RARS1: variants seen among roughly 807,000 people sequenced by gnomAD.
The protein encoded by RARS1 is arginine--tRNA ligase, cytoplasmic.
RARS1 carries 75 observed loss-of-function variants against 78.7 expected under a neutral mutation model. The ratio of observed to expected loss-of-function variants is 0.95; its 90% confidence interval spans 0.79 to 1.15. The LOEUF is 1.15. RARS1 is among the 50% of genes most tolerant of loss of function. The pLI is 0.00. For synonymous variants in RARS1, 273 were observed against 268.2 expected (o/e 1.02, Z -0.18); for missense variants, 787 against 787.5 (o/e 1.00, Z 0.01).
chr5:168,499,186 C>G (rs1582432311), intron 7 of RARS1, among the ~76,000 whole-genome samples: 1 of 151,764 alleles, frequency 6.6e-6, no homozygotes, highest in Non-Finnish European at 1.5e-5. Context: ...GGGCACACTC[C>G]TGTAGTTCCA....
At chr5:168,507,076 A>G (rs1039388907) in intron 11 of RARS1, among the ~76,000 whole-genome samples, 1 of 152,224 alleles carries the variant, frequency 6.6e-6, no homozygotes, top group African/African-American at 2.4e-5. Flanking sequence ...GATTATATAT[A>G]AGGGGTTTCC....
chr5:168,488,651 G>C lies in RARS1; in HGVS notation c.95G>C (p.Cys32Ser). 5.6e-6 allele frequency: 9 copies of C among 1,612,346 alleles called. No individual in the cohort carries two copies. Among genetic ancestry groups the C allele is most frequent in the Non-Finnish European group, 7.6e-6 (9 of 1,179,636 alleles). Reference sequence around the variant, plus strand: ...GCTGAAATTGACCGGTTGAAAAACTGTGGCTGTTTAGGAGCTTCTCCAAAT... The same window carrying C: ...GCTGAAATTGACCGGTTGAAAAACTCTGGCTGTTTAGGAGCTTCTCCAAAT... ...LTAEIDRLKN[C>S]GCLGASPNLE... The change falls in exon 2 of 15, where the codon TGT becomes TCT. Residue 32 changes from cysteine (C) to serine (S), a missense_variant. By Grantham distance (112) the Cys-to-Ser change is moderately radical. Coordinates refer to ENST00000231572, the MANE Select transcript of RARS1 (RefSeq NM_002887.4).
In RARS1 at chr5:168,508,772, C is replaced by G. The variant is rs1245008956; in HGVS notation, c.1347-1809C>G. ...AATTTTTTTTTAATTTCATCATCTT[C>G]CTGCTATTCCTTGTACATCTGTTTA... On this transcript the variant is annotated intron_variant, in intron 11 of 14. Coordinates refer to ENST00000231572, the MANE Select transcript of RARS1 (RefSeq NM_002887.4). Among the ~76,000 whole-genome samples the G allele has an allele frequency of 2.0e-5, 3 of 151,518 alleles. No individual in the cohort carries two copies. The East Asian group carries it at 5.8e-4, about 29-fold the overall frequency.
chr5:168,487,466 C>T (rs1390504533), intron 1 of RARS1, among the ~76,000 whole-genome samples: 2 of 152,136 alleles, frequency 1.3e-5, no homozygotes, highest in African/African-American at 4.8e-5. Context: ...TGTCCTGTTA[C>T]GGCTGTATAC....
At chr5:168,503,848 A>C (rs572682027) in intron 9 of RARS1, among the ~76,000 whole-genome samples, 2 of 152,142 alleles carry the variant, frequency 1.3e-5, no homozygotes, top group East Asian at 3.9e-4. Flanking sequence ...AGGCAGGAGG[A>C]CCACTTGAGG....
chr5:168,492,610 A>T (rs1758107343), intron 2 of RARS1, 49 bp from the exon 3 acceptor site: 1 of 1,413,686 alleles, frequency 7.1e-7, no homozygotes, highest in African/African-American at 1.4e-5. Flanking sequence ...ATCTTGTATG[A>T]TGATGGTTTT....
Position 168,488,691 on chromosome 5 carries a change from A to T in RARS1, c.135A>T (p.Gln45His). ...LGASPNLEQL[Q>H]EENLKLKYRL... ...CTTCTCCAAATTTGGAGCAGTTACA[A>T]GAAGAAAATTTAAAATTAAAGTATC... The change falls in exon 2 of 15, where the codon CAA (glutamine) becomes CAT (histidine). Residue 45 changes from glutamine to histidine, a missense_variant. Physicochemically the swap from Gln to His is conservative, Grantham distance 24. Transcript: ENST00000231572. The T allele has an allele frequency of 6.2e-7, 1 of 1,611,840 alleles. No individual in the cohort carries two copies. The highest frequency in any genetic ancestry group is 1.1e-5 in the South Asian group (1 of 90,320).
At chr5:168,516,130 C>G (rs575970514) in intron 12 of RARS1, among the ~76,000 whole-genome samples, 1 of 152,220 alleles carries the variant, frequency 6.6e-6, no homozygotes, top group African/African-American at 2.4e-5. Context: ...AACTATAGTC[C>G]CTTCAACTTT....
chr5:168,506,992 A>C lies in RARS1; in HGVS notation c.1346+161A>C, dbSNP rs74660183. On this transcript the variant is annotated intron_variant, in intron 11 of 14. Transcript: ENST00000231572. ...TGAGTGATTTTGTATCTATATCATC[A>C]CTGCCAGGGAATGTAGCCTTTTAGG... Among the ~76,000 whole-genome samples the C allele has an allele frequency of 0.031, 4,687 of 152,298 alleles. 97 individuals are homozygous for C. Among genetic ancestry groups the C allele is most frequent in the South Asian group, 0.066 (319 of 4,828 alleles).
chr5:168,503,516 AG>A (rs1176053073), intron 9 of RARS1, among the ~76,000 whole-genome samples: 2 of 151,752 alleles, frequency 1.3e-5, no homozygotes, highest in African/African-American at 4.8e-5. Flanking sequence ...TATATTTTTC[AG>A]TCAGTTGTCT....
Position 168,519,272 on chromosome 5 carries a change from A to G in RARS1, c.*82A>G, listed in dbSNP as rs139850866. On this transcript the variant is annotated 3_prime_UTR_variant, in exon 15 of 15. Transcript: ENST00000231572. ...GCTTTTTTACAATCATGTGGACACA[A>G]GCATAAGTAAAGAAAATTTGTCAAC... 497 of 1,036,792 alleles carry G rather than the reference A, an allele frequency of 4.8e-4. 1 individual carries two copies. The African/African-American group carries it at 7.4e-3, about 15-fold the overall frequency. 64.2% of individuals were successfully genotyped at this position (1,036,792 alleles called of 1,614,324 possible). A position where few individuals can be genotyped will look rare whatever the true frequency, so the allele number is the denominator to read the frequency against.
chr5:168,505,720 A>G (rs1758430803), intron 9 of RARS1, among the ~76,000 whole-genome samples: 1 of 115,770 alleles, frequency 8.6e-6, no homozygotes, highest in Non-Finnish European at 2.3e-5. Context: ...AAAAGAAAAA[A>G]AAAAAAAAAA....
At chr5:168,499,509 G>T (rs1758273502) in intron 7 of RARS1, among the ~76,000 whole-genome samples, 1 of 152,026 alleles carries the variant, frequency 6.6e-6, no homozygotes, top group African/African-American at 2.4e-5. Flanking sequence ...ACATTTGTGG[G>T]GATTTTGTTT....
In RARS1 at chr5:168,509,355, T is replaced by C. The variant is rs569906358; in HGVS notation, c.1347-1226T>C. The stretch of plus-strand genomic sequence containing the variant: ...TGGGCAAGCTCTGGAAATAAAACTT[T>C]AACAGAAAGTAGCACATTCATTTTG... On this transcript the variant is annotated intron_variant, in intron 11 of 14. Transcript: ENST00000231572. Among the ~76,000 whole-genome samples, 8 of 152,080 alleles carry C rather than the reference T, an allele frequency of 5.3e-5. No individual in the cohort carries two copies. In the South Asian group the frequency reaches 1.7e-3, roughly 32 times the overall value.
chr5:168,510,563 G>T lies in RARS1; in HGVS notation c.1347-18G>T. On this transcript the variant is annotated intron_variant, in intron 11 of 14. Coordinates refer to ENST00000231572, the MANE Select transcript of RARS1 (RefSeq NM_002887.4). ...AAAGTCTGTTTCAAAATCTGATTGG[G>T]GGTTTTACATTTTTTAGGAAAAAGT... The T allele has an allele frequency of 6.4e-7, 1 of 1,569,260 alleles. No homozygotes were observed. Among genetic ancestry groups the T allele is most frequent in the South Asian group, 1.2e-5 (1 of 86,410 alleles).
intron 9 of RARS1, among the ~76,000 whole-genome samples, chr5:168,503,356 G>A (rs1375472937): frequency 6.6e-6 from 1 of 152,232 alleles, no homozygotes; most frequent in East Asian, 1.9e-4. Context: ...TAATTATTTT[G>A]GTTATCCTCA....
Position 168,486,549 on chromosome 5 carries a change from G to A in RARS1, c.45+6G>A, listed in dbSNP as rs1462348317. ...CCGCGCGGCTGCTGCAGCAGGTTTG[G>A]ACGCAGGAGACCGGCGGGAAGGCCT... is the stretch of plus-strand genomic sequence containing the variant. On this transcript the variant is annotated splice_donor_region_variant and intron_variant, in intron 1 of 14. Transcript: ENST00000231572. The A allele has an allele frequency of 1.9e-6, 3 of 1,556,044 alleles. No homozygotes were observed. The highest frequency in any genetic ancestry group is 1.4e-5 in the African/African-American group (1 of 73,710).
rs35001933 is a variant in RARS1, at chr5:168,493,633, C to CAAAAAA, written c.370-245_370-240dup. Among the ~76,000 whole-genome samples the CAAAAAA allele has an allele frequency of 4.6e-4, 36 of 78,194 alleles. 1 individual carries two copies. The highest frequency in any genetic ancestry group is 6.6e-4 in the Admixed American group (4 of 6,056). 51.3% of individuals were successfully genotyped at this position (78,194 alleles called of 152,430 possible). ...TGGGCAACAGAGCGAGACTCCATCT[C>CAAAAAA]AAAAAAAAAAAAAAAAAAAAATAGT... On this transcript the variant is annotated intron_variant, in intron 3 of 14. Transcript: ENST00000231572.
intron 8 of RARS1, 37 bp from the exon 9 acceptor site, chr5:168,501,964 T>C (rs1371954533): frequency 6.4e-6 from 10 of 1,567,912 alleles, no homozygotes; most frequent in Non-Finnish European, 8.6e-6. Context: ...AAAATTCTTA[T>C]GCATTTTATT....
Sources: gnomAD v4.1 joint callset for allele counts (sites outside exome capture counted in the v4.1 genomes callset) on GRCh38, gnomAD v4.1.1 for gene constraint, MANE v1.5 for transcripts, NCBI Gene and HGNC (gene_info 2026-07-23, HGNC 2026-07-21) for gene names.